The following KCND2 variants were observed in gnomAD, a reference collection of about 807,000 sequenced individuals.
The protein encoded by KCND2 is potassium voltage-gated channel subfamily D member 2.
In KCND2, 16 loss-of-function variants were observed where a neutral mutation model predicts 54.4. That is an observed-to-expected ratio of 0.29 (90% confidence interval 0.20 to 0.45). The LOEUF is 0.45. KCND2 is among the 20% of genes least tolerant of loss of function. The probability of loss-of-function intolerance (pLI) is 1.00; values close to 1 mark genes in which losing one functional copy is unlikely to be tolerated. For synonymous variants in KCND2, 317 were observed against 310.7 expected, an observed-to-expected ratio of 1.02 and a Z score of -0.21; for missense variants, 486 against 824.2, an observed-to-expected ratio of 0.59 and a Z score of 5.02.
chr7:120,748,604 T>G lies in KCND2; in HGVS notation c.*746T>G, dbSNP rs1392774173. ...CTAGATACTGTTACAACTGCAATAA[T>G]TTGTTGTACAACTGTTGTATCAGGA... is the stretch of plus-strand genomic sequence containing the variant. On this transcript the variant is annotated 3_prime_UTR_variant, in exon 6 of 6. Transcript: ENST00000331113. 6.6e-6 allele frequency: 1 copy of G among 152,450 alleles called. No individual in the cohort carries two copies. Among genetic ancestry groups the G allele is most frequent in the Non-Finnish European group, 1.5e-5 (1 of 67,902 alleles). 9.4% of individuals were successfully genotyped at this position (152,450 alleles called of 1,614,324 possible). A position where few individuals can be genotyped will look rare whatever the true frequency, so the allele number is the denominator to read the frequency against.
intron 1 of KCND2, among the ~76,000 whole-genome samples, chr7:120,575,005 A>T (rs1213584144): frequency 1.3e-5 from 2 of 152,156 alleles, no homozygotes; most frequent in Non-Finnish European, 2.9e-5. Context: ...ACATATAATT[A>T]AAAAAATAAA....
intron 1 of KCND2, among the ~76,000 whole-genome samples, chr7:120,682,183 T>C (rs1342541678): frequency 6.6e-6 from 1 of 152,032 alleles, no homozygotes; most frequent in Non-Finnish European, 1.5e-5. Context: ...GGAACATAAA[T>C]ATAATTTCAC....
intron 1 of KCND2, among the ~76,000 whole-genome samples, chr7:120,595,036 AAAAG>A (rs1006098261): frequency 2.6e-5 from 4 of 151,482 alleles, no homozygotes; most frequent in African/African-American, 7.3e-5. Flanking sequence ...AAAAAAAAAA[AAAAG>A]AGAGAGAGAG....
intron 1 of KCND2, among the ~76,000 whole-genome samples, chr7:120,306,069 G>A (rs1298040187): frequency 2.6e-5 from 4 of 152,086 alleles, no homozygotes; most frequent in Non-Finnish European, 5.9e-5. Flanking sequence ...TGGACATACA[G>A]TCAGTTGTAG....
At chr7:120,567,136 G>A (rs990833841) in intron 1 of KCND2, among the ~76,000 whole-genome samples, 15 of 152,204 alleles carry the variant, frequency 9.9e-5, no homozygotes, top group East Asian at 3.9e-4. Flanking sequence ...GCTTATCAAC[G>A]TTCAAGGATC....
chr7:120,638,188 G>A (rs1793329923), intron 1 of KCND2, among the ~76,000 whole-genome samples: 1 of 152,056 alleles, frequency 6.6e-6, no homozygotes. Context: ...ATGCTCACGA[G>A]ATGTTTTTAT....
intron 1 of KCND2, among the ~76,000 whole-genome samples, chr7:120,396,337 G>T (rs923329948): frequency 3.3e-5 from 5 of 151,918 alleles, no homozygotes; most frequent in African/African-American, 1.2e-4. Context: ...TCAGCTTAGA[G>T]TTTCCTGATT....
intron 1 of KCND2, among the ~76,000 whole-genome samples, chr7:120,605,781 A>G (rs1464647198): frequency 6.6e-6 from 1 of 152,202 alleles, no homozygotes; most frequent in African/African-American, 2.4e-5. Context: ...GAAGTAATCT[A>G]TCACTGTGGT....
intron 1 of KCND2, among the ~76,000 whole-genome samples, chr7:120,404,397 A>G (rs1801318492): frequency 6.6e-6 from 1 of 152,172 alleles, no homozygotes; most frequent in South Asian, 2.1e-4. Context: ...CATTTGTGAC[A>G]TCTCTTAATG....
At chr7:120,588,242 G>T (rs1432978513) in intron 1 of KCND2, among the ~76,000 whole-genome samples, 3 of 152,120 alleles carry the variant, frequency 2.0e-5, no homozygotes, top group Non-Finnish European at 2.9e-5. Context: ...ACAGGTGTGT[G>T]TGAGGTTTAA....
chr7:120,568,651 T>C (rs985075422), intron 1 of KCND2, among the ~76,000 whole-genome samples: 1 of 152,110 alleles, frequency 6.6e-6, no homozygotes, highest in Non-Finnish European at 1.5e-5. Flanking sequence ...AGTGCATGGG[T>C]TCTGAGCCAG....
At chr7:120,574,421 T>G (rs970691981) in intron 1 of KCND2, among the ~76,000 whole-genome samples, 2 of 152,188 alleles carry the variant, frequency 1.3e-5, no homozygotes. Context: ...AAAATAAAGG[T>G]AAATATGTCC....
At chr7:120,495,350 T>TG (rs1245425559) in intron 1 of KCND2, among the ~76,000 whole-genome samples, 2 of 151,948 alleles carry the variant, frequency 1.3e-5, no homozygotes, top group African/African-American at 4.8e-5. Flanking sequence ...AACTTTTTTT[T>TG]TTTACCCCAA....
chr7:120,324,328 C>A (rs62470537), intron 1 of KCND2, among the ~76,000 whole-genome samples: 2 of 148,576 alleles, frequency 1.3e-5, no homozygotes, highest in Non-Finnish European at 3.0e-5. Context: ...TCAATTTTGG[C>A]TTTTGTTGCC....
Position 120,584,765 on chromosome 7 carries a change from C to T in KCND2, c.1116-148138C>T, listed in dbSNP as rs142513899. Among the ~76,000 whole-genome samples the T allele has an allele frequency of 3.3e-3, 499 of 152,282 alleles. 2 individuals are homozygous for T. Among genetic ancestry groups the T allele is most frequent in the Middle Eastern group, 6.8e-3 (2 of 294 alleles). On this transcript the variant is annotated intron_variant, in intron 1 of 5. Transcript: ENST00000331113. ...ACGTGCTCACGCACACACACGCATG[C>T]GCGTGCACACACACACACTTTGGGT...
At chr7:120,378,403 T>C (rs1470175141) in intron 1 of KCND2, among the ~76,000 whole-genome samples, 1 of 151,984 alleles carries the variant, frequency 6.6e-6, no homozygotes, top group Non-Finnish European at 1.5e-5. Context: ...AGATTTTCCA[T>C]GATTAAACTC....
At chr7:120,571,189 C>T (rs1251764906) in intron 1 of KCND2, among the ~76,000 whole-genome samples, 1 of 152,152 alleles carries the variant, frequency 6.6e-6, no homozygotes, top group Non-Finnish European at 1.5e-5. Context: ...GACATCTGTT[C>T]CTAGTTCAGC....
chr7:120,486,836 G>A (rs1421638921), intron 1 of KCND2, among the ~76,000 whole-genome samples: 1 of 151,740 alleles, frequency 6.6e-6, no homozygotes, highest in Admixed American at 6.6e-5. Context: ...AAATATATGG[G>A]ACTAGAGCTT....
At chr7:120,551,802 G>A (rs1006038341) in intron 1 of KCND2, among the ~76,000 whole-genome samples, 1 of 152,070 alleles carries the variant, frequency 6.6e-6, no homozygotes, top group Non-Finnish European at 1.5e-5. Context: ...AATATTCATG[G>A]GATGTTCATT....
Sources: allele counts gnomAD v4.1 joint callset (sites outside exome capture counted in the v4.1 genomes callset), GRCh38; gene constraint gnomAD v4.1.1; transcripts MANE v1.5; gene names NCBI Gene and HGNC (gene_info 2026-07-23, HGNC 2026-07-21).